The following LPCAT2 variants were observed in gnomAD, a reference collection of about 807,000 sequenced individuals.
The protein encoded by LPCAT2 is lysophosphatidylcholine acyltransferase 2, also known as 1-AGP acyltransferase 11.
A neutral mutation model predicts 64.7 loss-of-function variants in LPCAT2; 58 were observed. The ratio of observed to expected loss-of-function variants is 0.90; its 90% CI spans 0.73 to 1.12. LPCAT2 has a LOEUF of 1.12. Ranked by LOEUF, LPCAT2 falls within the 50% of genes most tolerant of loss-of-function variation. The pLI is 0.00. For synonymous variants in LPCAT2, 252 were observed against 245.3 expected, an observed-to-expected ratio of 1.03 and a Z score of -0.26; for missense variants, 579 against 669.8, an observed-to-expected ratio of 0.86 and a Z score of 1.50.
At chr16:55,545,927 A>G in intron 9 of LPCAT2, 110 bp downstream of exon 9, 2 of 706,326 alleles carry the variant, frequency 2.8e-6, no homozygotes, top group South Asian at 1.9e-5. Context: ...CTCGTTCCCC[A>G]ATTCATTTTG....
At chr16:55,527,934 A>C (rs978377863) in intron 2 of LPCAT2, among the ~76,000 whole-genome samples, 2 of 152,230 alleles carry the variant, frequency 1.3e-5, no homozygotes, top group African/African-American at 4.8e-5. Flanking sequence ...TCATTACACA[A>C]ATGTGGATTC....
chr16:55,530,619 A>G (rs536270085), intron 4 of LPCAT2, among the ~76,000 whole-genome samples: 1 of 152,258 alleles, frequency 6.6e-6, no homozygotes, highest in South Asian at 2.1e-4. Flanking sequence ...CTAGCCACAC[A>G]TGATGACATG....
Position 55,511,989 on chromosome 16 carries a change from A to G in LPCAT2, c.171+2637A>G, listed in dbSNP as rs1370909260. Among the ~76,000 whole-genome samples, 4 of 152,184 alleles carry G rather than the reference A, an allele frequency of 2.6e-5. No individual in the cohort carries two copies. The East Asian group carries it at 7.7e-4, about 29-fold the overall frequency. On this transcript the variant is annotated intron_variant, in intron 1 of 13. Transcript: ENST00000262134. The stretch of plus-strand genomic sequence containing the variant: ...GAATTTGAGTCGTCTCATCTTCTCC[A>G]CAGTACTCTTCCCCAGTATACCACC...
intron 6 of LPCAT2, among the ~76,000 whole-genome samples, chr16:55,533,648 A>G (rs1440304481): frequency 1.3e-5 from 2 of 151,958 alleles, no homozygotes; most frequent in Admixed American, 1.3e-4. Flanking sequence ...CCTGACCTCA[A>G]GTAATCCACC....
At chr16:55,573,679 C>T (rs1963795123) in intron 11 of LPCAT2, among the ~76,000 whole-genome samples, 1 of 152,052 alleles carries the variant, frequency 6.6e-6, no homozygotes, top group South Asian at 2.1e-4. Context: ...TACTTACTTA[C>T]AGTTTCTCTT....
chr16:55,580,098 A>T (rs1424555602), intron 13 of LPCAT2, among the ~76,000 whole-genome samples: 1 of 151,712 alleles, frequency 6.6e-6, no homozygotes, highest in Admixed American at 6.6e-5. Context: ...CTGGATGGAG[A>T]CTCCTCTTTA....
At chr16:55,533,865 A>G (rs1963289313) in intron 6 of LPCAT2, among the ~76,000 whole-genome samples, 1 of 152,164 alleles carries the variant, frequency 6.6e-6, no homozygotes, top group African/African-American at 2.4e-5. Flanking sequence ...AACTTTCTTT[A>G]CTAGAGAATT....
Position 55,509,117 on chromosome 16 carries a change from C to G in LPCAT2, c.-65C>G, listed in dbSNP as rs1378199747. On this transcript the variant is annotated 5_prime_UTR_variant, in exon 1 of 14. Coordinates refer to ENST00000262134, the MANE Select transcript of LPCAT2 (RefSeq NM_017839.5). ...CTAGGCTGGGACTCTAGTAGGTCTT[C>G]GGCTCAGTTTTGGCTGCAGCGCCCG... 3 of 1,265,534 alleles carry G rather than the reference C, an allele frequency of 2.4e-6. No homozygotes were observed. Among genetic ancestry groups the G allele is most frequent in the Non-Finnish European group, 3.0e-6 (3 of 994,044 alleles). 78.4% of individuals were successfully genotyped at this position (1,265,534 alleles called of 1,614,324 possible). A position where few individuals can be genotyped will look rare whatever the true frequency, so the allele number is the denominator to read the frequency against.
intron 1 of LPCAT2, among the ~76,000 whole-genome samples, chr16:55,519,508 C>CAAA (rs34058877): frequency 1.6e-5 from 2 of 123,724 alleles, no homozygotes; most frequent in African/African-American, 3.2e-5. Flanking sequence ...GACTCCATCA[C>CAAA]AAAAAAAAAA....
chr16:55,556,083 G>A (rs1168472720), intron 11 of LPCAT2, among the ~76,000 whole-genome samples: 2 of 152,148 alleles, frequency 1.3e-5, no homozygotes, highest in African/African-American at 4.8e-5. Context: ...CCAAAGTGCT[G>A]GGATTACAGG....
At chr16:55,534,842 T>C (rs1292053099) in intron 7 of LPCAT2, among the ~76,000 whole-genome samples, 1 of 152,174 alleles carries the variant, frequency 6.6e-6, no homozygotes, top group East Asian at 1.9e-4. Flanking sequence ...CCTTACTTAC[T>C]ATGTTGGTTT....
At chr16:55,530,563 A>G (rs1399586677) in intron 4 of LPCAT2, among the ~76,000 whole-genome samples, 1 of 152,142 alleles carries the variant, frequency 6.6e-6, no homozygotes, top group African/African-American at 2.4e-5. Context: ...ATCTTTGCCC[A>G]GTTGAAAACA....
In LPCAT2 at chr16:55,579,279, C is replaced by T. The variant is rs141278848; in HGVS notation, c.1450+35C>T. ...CAATCTGGCCTCCTGACTTAGTTTA[C>T]AAGGAGGACATCCAGACTATGGACT... On this transcript the variant is annotated intron_variant, in intron 13 of 13. Coordinates refer to ENST00000262134, the MANE Select transcript of LPCAT2 (RefSeq NM_017839.5). 9.6e-5 allele frequency: 154 copies of T among 1,602,798 alleles called. No homozygotes were observed. In the African/African-American group the frequency reaches 2.0e-3, roughly 21 times the overall value.
intron 8 of LPCAT2, 80 bp from the exon 9 acceptor site, chr16:55,545,655 A>T: frequency 1.1e-6 from 1 of 871,808 alleles, no homozygotes; most frequent in South Asian, 1.6e-5. Context: ...CAATATATTG[A>T]TAATGTATAA....
Position 55,532,890 on chromosome 16 carries a change from C to A in LPCAT2, c.762+8C>A. On this transcript the variant is annotated splice_region_variant and intron_variant, in intron 6 of 13. Coordinates refer to ENST00000262134, the MANE Select transcript of LPCAT2 (RefSeq NM_017839.5). ...AGATACCCAAACAAGCTGGTAAGCA[C>A]AGTATTTTACCACAGGAAGAATTTC... is the stretch of plus-strand genomic sequence containing the variant. The A allele has an allele frequency of 1.2e-6, 2 of 1,609,186 alleles. No homozygotes were observed. Among genetic ancestry groups the A allele is most frequent in the Non-Finnish European group, 1.7e-6 (2 of 1,176,352 alleles).
At chr16:55,577,792 G>A (rs1328051813) in intron 12 of LPCAT2, among the ~76,000 whole-genome samples, 1 of 151,752 alleles carries the variant, frequency 6.6e-6, no homozygotes, top group African/African-American at 2.4e-5. Flanking sequence ...TTTGTGCTTG[G>A]ATACTACCCC....
chr16:55,571,838 AT>A (rs558253493), intron 11 of LPCAT2, among the ~76,000 whole-genome samples: 327 of 152,252 alleles, frequency 2.1e-3, no homozygotes, highest in African/African-American at 7.6e-3. Flanking sequence ...CTAAATTTTA[AT>A]TGCAGCTATG....
In LPCAT2 at chr16:55,579,089, T is replaced by TTACATTTTA. The variant is rs1351225663; in HGVS notation, c.1315-18_1315-10dup. ...ACTATGATCCTGAGGGAGCTAATTC[T>TTACATTTTA]TACATTTTATTTTCTTCAGCTGTTT... is the stretch of plus-strand genomic sequence containing the variant. On this transcript the variant is annotated intron_variant, in intron 12 of 13. Coordinates refer to ENST00000262134, the MANE Select transcript of LPCAT2 (RefSeq NM_017839.5). The TTACATTTTA allele has an allele frequency of 6.2e-7, 1 of 1,610,850 alleles. No individual in the cohort carries two copies. Among genetic ancestry groups the TTACATTTTA allele is most frequent in the Admixed American group, 1.7e-5 (1 of 59,548 alleles).
intron 10 of LPCAT2, among the ~76,000 whole-genome samples, chr16:55,550,155 C>T (rs1247604274): frequency 1.3e-5 from 2 of 152,002 alleles, no homozygotes; most frequent in Admixed American, 6.6e-5. Context: ...AAATGTTTTG[C>T]TTTTGTTTGC....
Sources: gnomAD v4.1 joint callset for allele counts (sites outside exome capture counted in the v4.1 genomes callset) on GRCh38, gnomAD v4.1.1 for gene constraint, MANE v1.5 for transcripts, NCBI Gene and HGNC (gene_info 2026-07-23, HGNC 2026-07-21) for gene names.